LIN28A: variants seen among roughly 807,000 people sequenced by gnomAD.
The protein encoded by LIN28A is lin-28 RNA binding posttranscriptional regulator A.
Under a neutral mutation model 21.1 loss-of-function variants are expected in LIN28A, and 11 were observed. That is an observed-to-expected ratio of 0.52 (90% CI 0.33 to 0.86). The LOEUF is 0.86. Ranked by LOEUF, LIN28A falls within the 40% of genes least tolerant of loss-of-function variation. LIN28A has a pLI of 0.03. For synonymous variants in LIN28A, 111 were observed against 108.7 expected (o/e 1.02, Z -0.13); for missense variants, 219 against 279.8 (o/e 0.78, Z 1.55).
intron 2 of LIN28A, among the ~76,000 whole-genome samples, chr1:26,416,463 G>GT (rs1305589946): frequency 6.6e-6 from 1 of 152,124 alleles, no homozygotes; most frequent in Non-Finnish European, 1.5e-5. Flanking sequence ...TGGAATTCTT[G>GT]TTTTTTGGAG....
intron 2 of LIN28A, among the ~76,000 whole-genome samples, chr1:26,419,505 G>A (rs576156204): frequency 1.6e-4 from 24 of 152,172 alleles, no homozygotes; most frequent in Non-Finnish European, 2.9e-4. Context: ...GGGGCTTAGA[G>A]AGGGGATATT....
chr1:26,425,565 C>G, intron 3 of LIN28A, 78 bp downstream of exon 3: 1 of 1,340,074 alleles, frequency 7.5e-7, no homozygotes, highest in Non-Finnish European at 1.0e-6. Flanking sequence ...TTGGGTCACA[C>G]TGCAAAAGAC....
chr1:26,424,333 C>T (rs1334373865), intron 2 of LIN28A, among the ~76,000 whole-genome samples: 3 of 152,096 alleles, frequency 2.0e-5, no homozygotes, highest in South Asian at 2.1e-4. Context: ...CCTCTGCCTC[C>T]GGGGTTCAAG....
At chr1:26,415,860 G>A (rs979543427) in intron 2 of LIN28A, among the ~76,000 whole-genome samples, 1 of 152,148 alleles carries the variant, frequency 6.6e-6, no homozygotes, top group Non-Finnish European at 1.5e-5. Flanking sequence ...AATAAGAAAA[G>A]GCAGCTTAAA....
chr1:26,421,401 T>G (rs1300065361), intron 2 of LIN28A, among the ~76,000 whole-genome samples: 1 of 152,214 alleles, frequency 6.6e-6, no homozygotes, highest in Non-Finnish European at 1.5e-5. Flanking sequence ...CCAATTTTTT[T>G]AAAGCAACAA....
In LIN28A at chr1:26,411,296, G is replaced by A; in HGVS notation, c.32-90G>A. The A allele has an allele frequency of 1.6e-6, 2 of 1,273,410 alleles. No individual in the cohort carries two copies. The highest frequency in any genetic ancestry group is 1.5e-5 in the South Asian group (1 of 65,122). The allele number at this position is 1,273,410 out of a possible 1,614,324, so 78.9% of individuals were successfully genotyped here. A position where few individuals can be genotyped will look rare whatever the true frequency, so the allele number is the denominator to read the frequency against. ...CCCCTCCTGGCTGTCCACTTGTGGGGCTGGATACTCGGGTCTCCCTGCCTG... is the reference window on the plus strand; with the variant it reads ...CCCCTCCTGGCTGTCCACTTGTGGGACTGGATACTCGGGTCTCCCTGCCTG... On this transcript the variant is annotated intron_variant, in intron 1 of 3. Coordinates refer to ENST00000326279, the MANE Select transcript of LIN28A (RefSeq NM_024674.6). This position sits in a 1 kb window ranked among gnomAD's most constrained non-coding sequence, Gnocchi z 5.4.
intron 2 of LIN28A, among the ~76,000 whole-genome samples, chr1:26,421,544 C>G (rs1043477334): frequency 6.6e-6 from 1 of 152,118 alleles, no homozygotes; most frequent in African/African-American, 2.4e-5. Flanking sequence ...TCTGTCTTAA[C>G]TTTTCAGTAT....
chr1:26,419,199 C>T (rs577588864), intron 2 of LIN28A, among the ~76,000 whole-genome samples: 2 of 150,618 alleles, frequency 1.3e-5, no homozygotes, highest in Non-Finnish European at 2.9e-5. Context: ...TGGGGCTGCA[C>T]GCTGATTACC....
intron 2 of LIN28A, among the ~76,000 whole-genome samples, chr1:26,419,932 G>T (rs551819539): frequency 6.6e-6 from 1 of 152,058 alleles, no homozygotes; most frequent in East Asian, 1.9e-4. Flanking sequence ...GTCCCACCCC[G>T]CTCAATAAAA....
At chr1:26,423,790 T>C (rs2075042259) in intron 2 of LIN28A, among the ~76,000 whole-genome samples, 2 of 151,656 alleles carry the variant, frequency 1.3e-5, no homozygotes, top group South Asian at 4.1e-4. Flanking sequence ...TGCGACGGAG[T>C]CTTGCTCTGT....
chr1:26,423,700 T>C (rs886199280), intron 2 of LIN28A, among the ~76,000 whole-genome samples: 1 of 149,062 alleles, frequency 6.7e-6, no homozygotes, highest in Admixed American at 6.7e-5. Context: ...GCATGAGCCA[T>C]TGCGCACGGC....
intron 2 of LIN28A, among the ~76,000 whole-genome samples, chr1:26,424,345 A>G (rs1335127647): frequency 6.6e-6 from 1 of 151,768 alleles, no homozygotes; most frequent in Non-Finnish European, 1.5e-5. Flanking sequence ...GGGTTCAAGC[A>G]ACTCTCCTGC....
intron 2 of LIN28A, among the ~76,000 whole-genome samples, chr1:26,413,491 A>G (rs1269125466): frequency 6.6e-6 from 1 of 152,200 alleles, no homozygotes; most frequent in Non-Finnish European, 1.5e-5. Flanking sequence ...CATTGAGTCT[A>G]CACCATGCTG....
At chr1:26,424,215 T>C (rs1557763942) in intron 2 of LIN28A, among the ~76,000 whole-genome samples, 1 of 152,132 alleles carries the variant, frequency 6.6e-6, no homozygotes, top group Admixed American at 6.5e-5. Context: ...AATATTTCAG[T>C]GCTTCATAGC....
intron 3 of LIN28A, 60 bp downstream of exon 3, chr1:26,425,547 G>A: frequency 1.3e-6 from 2 of 1,502,396 alleles, no homozygotes; most frequent in African/African-American, 1.4e-5. Context: ...TCCCAATCCT[G>A]TCACTTTTTG....
Position 26,411,141 on chromosome 1 carries a change from C to T in LIN28A, c.31+219C>T, listed in dbSNP as rs1471710828. Among the ~76,000 whole-genome samples the T allele has an allele frequency of 6.6e-6, 1 of 152,208 alleles. No individual in the cohort carries two copies. Among genetic ancestry groups the T allele is most frequent in the Non-Finnish European group, 1.5e-5 (1 of 68,034 alleles). On this transcript the variant is annotated intron_variant, in intron 1 of 3. Transcript: ENST00000326279. This position sits in a 1 kb window ranked among gnomAD's most constrained non-coding sequence, Gnocchi z 5.4. ...GATGGAGAGGAGAGGCTTGTCCCGC[C>T]GTGAGTCTCTGGGAAACGCGTTGTG...
Position 26,411,380 on chromosome 1 carries a change from C to A in LIN28A, c.32-6C>A. Reference sequence around the variant, plus strand: ...CAGCTAAGTGCCCGGCCCTCCCTCTCTCCAGGTGGCTGCGCCAAGGCGGCA... The same window carrying A: ...CAGCTAAGTGCCCGGCCCTCCCTCTATCCAGGTGGCTGCGCCAAGGCGGCA... On this transcript the variant is annotated splice_region_variant and splice_polypyrimidine_tract_variant and intron_variant, in intron 1 of 3. Coordinates refer to ENST00000326279, the MANE Select transcript of LIN28A (RefSeq NM_024674.6). The surrounding 1 kb of genome is among the most constrained non-coding windows in gnomAD (Gnocchi z 5.4). 2 of 1,585,290 alleles carry A rather than the reference C, an allele frequency of 1.3e-6. No individual in the cohort carries two copies. The highest frequency in any genetic ancestry group is 1.7e-6 in the Non-Finnish European group (2 of 1,168,382).
At chr1:26,417,150 C>G (rs761786359) in intron 2 of LIN28A, among the ~76,000 whole-genome samples, 1 of 152,200 alleles carries the variant, frequency 6.6e-6, no homozygotes, top group East Asian at 1.9e-4. Flanking sequence ...TAGCGGGCCA[C>G]TCAGTACCTC....
intron 2 of LIN28A, among the ~76,000 whole-genome samples, chr1:26,416,597 T>C (rs1022212115): frequency 6.6e-6 from 1 of 151,994 alleles, no homozygotes; most frequent in Non-Finnish European, 1.5e-5. Flanking sequence ...TACAGACTTA[T>C]TTAACATGAT....
Sources: allele counts gnomAD v4.1 joint callset (sites outside exome capture counted in the v4.1 genomes callset), GRCh38; gene constraint gnomAD v4.1.1; non-coding constraint Gnocchi (gnomAD v3.1); transcripts MANE v1.5; gene names NCBI Gene and HGNC (gene_info 2026-07-23, HGNC 2026-07-21).